C17orf67: variants seen among roughly 807,000 people sequenced by gnomAD.
The protein encoded by C17orf67 is chromosome 17 open reading frame 67.
C17orf67 carries 12 observed loss-of-function variants against 11.2 expected under a neutral mutation model. That is an observed-to-expected ratio of 1.07 (90% CI 0.68 to 1.73). The LOEUF (loss-of-function observed/expected upper bound fraction) is 1.73, where lower values mean the gene tolerates loss of function less well. Ranked by LOEUF, C17orf67 falls within the 40% of genes most tolerant of loss-of-function variation. The probability of loss-of-function intolerance (pLI) is 0.00; values close to 1 mark genes in which losing one functional copy is unlikely to be tolerated. For missense variants in C17orf67, 115 were observed against 113.5 expected (o/e 1.01, Z -0.06); for synonymous variants, 59 against 46.9 (o/e 1.26, Z -1.05).
intron 6 of C17orf67, among the ~76,000 whole-genome samples, chr17:56,795,971 T>C (rs1905206465): frequency 6.6e-6 from 1 of 152,244 alleles, no homozygotes; most frequent in Non-Finnish European, 1.5e-5. Flanking sequence ...AATATATTAC[T>C]TATGGCTATA....
At chr17:56,825,504 G>C (rs1022367866) in intron 2 of C17orf67, among the ~76,000 whole-genome samples, 183 bp from the exon 3 acceptor site, 1 of 152,154 alleles carries the variant, frequency 6.6e-6, no homozygotes, top group Admixed American at 6.5e-5. Context: ...ACTTAGCAAA[G>C]AGAGACTACT....
chr17:56,814,857 C>G lies in C17orf67; in HGVS notation c.156+12G>C. Reference sequence around the variant, plus strand: ...CACATTTTCTTTAAAACTGCCAGAGCAAAGCACTCACCCGCATTGGCTCAT... The same window carrying G: ...CACATTTTCTTTAAAACTGCCAGAGGAAAGCACTCACCCGCATTGGCTCAT... On this transcript the variant is annotated intron_variant, in intron 6 of 7. Transcript: ENST00000397861. The G allele has an allele frequency of 1.2e-6, 2 of 1,612,924 alleles. No homozygotes were observed. Among genetic ancestry groups the G allele is most frequent in the Non-Finnish European group, 1.7e-6 (2 of 1,178,962 alleles).
chr17:56,830,524 A>G (rs911426204), intron 2 of C17orf67, among the ~76,000 whole-genome samples: 3 of 152,256 alleles, frequency 2.0e-5, no homozygotes, highest in African/African-American at 4.8e-5. Context: ...AGAGTGATGT[A>G]GGGAGAGATT....
intron 6 of C17orf67, among the ~76,000 whole-genome samples, chr17:56,800,335 G>C (rs1255022485): frequency 6.6e-6 from 1 of 152,194 alleles, no homozygotes; most frequent in Non-Finnish European, 1.5e-5. Context: ...AAAGTGCTGG[G>C]ATTACAGGCG....
intron 4 of C17orf67, among the ~76,000 whole-genome samples, chr17:56,824,488 C>T (rs1190984568): frequency 6.6e-6 from 1 of 152,212 alleles, no homozygotes; most frequent in East Asian, 1.9e-4. Context: ...TCTCCCATGT[C>T]CCCATTCCCA....
rs1183965768 is a variant in C17orf67 at position 56,824,312 on chromosome 17, G to T, written c.-201+427C>A. Among the ~76,000 whole-genome samples the T allele has an allele frequency of 2.0e-5, 3 of 152,188 alleles. No homozygotes were observed. In the East Asian group the frequency reaches 5.8e-4, roughly 29 times the overall value. ...CTTTTTGTTCATGTTATGACACAGA[G>T]CAAAAGCCCTCACCAGAGGCTGCCA... On this transcript the variant is annotated intron_variant, in intron 4 of 7. Coordinates refer to ENST00000397861, the MANE Select transcript of C17orf67 (RefSeq NM_001085430.4).
At chr17:56,809,974 A>G (rs1209493123) in intron 6 of C17orf67, among the ~76,000 whole-genome samples, 1 of 123,986 alleles carries the variant, frequency 8.1e-6, no homozygotes, top group South Asian at 2.8e-4. Flanking sequence ...CTCACACACA[A>G]TCCTTGCACA....
intron 2 of C17orf67, among the ~76,000 whole-genome samples, chr17:56,829,276 C>CA (rs1334877528): frequency 3.8e-4 from 58 of 151,334 alleles, no homozygotes; most frequent in Non-Finnish European, 2.2e-4. Context: ...GACTCCATTG[C>CA]AAAAAAATAA....
chr17:56,810,121 A>C, intron 6 of C17orf67, among the ~76,000 whole-genome samples: 5 of 81,794 alleles, frequency 6.1e-5, no homozygotes, highest in African/African-American at 1.4e-4. Context: ...ACACCCTCAC[A>C]CTCCTTGCAC....
intron 2 of C17orf67, among the ~76,000 whole-genome samples, chr17:56,828,849 A>G (rs1453665266): frequency 1.1e-5 from 1 of 87,578 alleles, no homozygotes; most frequent in Non-Finnish European, 2.2e-5. Flanking sequence ...AAGCACAGTG[A>G]TGACAAAAAA....
At chr17:56,796,080 A>G (rs1295276520) in intron 6 of C17orf67, among the ~76,000 whole-genome samples, 1 of 152,232 alleles carries the variant, frequency 6.6e-6, no homozygotes, top group Admixed American at 6.5e-5. Context: ...TTTAAAATAT[A>G]AAAATGTTAC....
intron 6 of C17orf67, among the ~76,000 whole-genome samples, chr17:56,803,464 C>A (rs1288792797): frequency 6.6e-6 from 1 of 152,214 alleles, no homozygotes; most frequent in Non-Finnish European, 1.5e-5. Flanking sequence ...TCATTTGCAT[C>A]TTTACTCATT....
At chr17:56,810,213 A>G (rs1182243353) in intron 6 of C17orf67, among the ~76,000 whole-genome samples, 1 of 137,484 alleles carries the variant, frequency 7.3e-6, no homozygotes, top group East Asian at 2.2e-4. Flanking sequence ...TCTCACACAC[A>G]CCATCACACC....
chr17:56,812,572 C>T (rs1318639430), intron 6 of C17orf67, among the ~76,000 whole-genome samples: 1 of 152,056 alleles, frequency 6.6e-6, no homozygotes, highest in African/African-American at 2.4e-5. Context: ...GATGAAGTGT[C>T]TCTGAGAGGG....
chr17:56,801,316 A>C (rs1905316511), intron 6 of C17orf67, among the ~76,000 whole-genome samples: 1 of 152,338 alleles, frequency 6.6e-6, no homozygotes, highest in African/African-American at 2.4e-5. Context: ...TTTGGCATGT[A>C]TCAATATCAT....
At chr17:56,825,607 T>G (rs1462148450) in intron 2 of C17orf67, among the ~76,000 whole-genome samples, 2 of 152,202 alleles carry the variant, frequency 1.3e-5, no homozygotes, top group African/African-American at 4.8e-5. Flanking sequence ...AAGGAATTAT[T>G]TATAATAGCA....
At chr17:56,832,098 C>A (rs1047955763) in intron 2 of C17orf67, among the ~76,000 whole-genome samples, 7 of 152,158 alleles carry the variant, frequency 4.6e-5, no homozygotes, top group African/African-American at 1.7e-4. Flanking sequence ...AGGCACTCAC[C>A]ACGATGCCCA....
In C17orf67 at chr17:56,816,025, T is replaced by C. The variant is rs1300125574; in HGVS notation, c.-200-15A>G. ...AAATTTTCATCCTGAGGAAGGAAAT[T>C]GTTCCTCTGTAATATGACTTTCAGA... is the stretch of plus-strand genomic sequence containing the variant. On this transcript the variant is annotated splice_polypyrimidine_tract_variant and intron_variant, in intron 4 of 7. Transcript: ENST00000397861. 8.8e-6 allele frequency: 8 copies of C among 913,080 alleles called. No individual in the cohort carries two copies. Among genetic ancestry groups the C allele is most frequent in the Non-Finnish European group, 1.2e-5 (8 of 643,658 alleles). The allele number at this position is 913,080 out of a possible 1,614,324, so 56.6% of individuals were successfully genotyped here.
intron 6 of C17orf67, among the ~76,000 whole-genome samples, chr17:56,809,625 CCA>C (rs903760732): frequency 7.1e-5 from 10 of 139,962 alleles, no homozygotes; most frequent in Admixed American, 2.8e-4. Flanking sequence ...GCACACACAC[CCA>C]CACACACACC....
Sources: allele counts gnomAD v4.1 joint callset (sites outside exome capture counted in the v4.1 genomes callset), GRCh38; gene constraint gnomAD v4.1.1; transcripts MANE v1.5; gene names NCBI Gene and HGNC (gene_info 2026-07-23, HGNC 2026-07-21).